The following SEMA3C variants were observed in gnomAD, a reference collection of about 807,000 sequenced individuals.
SEMA3C encodes semaphorin-3C.
SEMA3C carries 47 observed loss-of-function variants against 89.4 expected under a neutral mutation model. The ratio of observed to expected loss-of-function variants is 0.53; its 90% CI spans 0.42 to 0.67. The LOEUF (loss-of-function observed/expected upper bound fraction) is 0.67, where lower values mean the gene tolerates loss of function less well. Ranked by LOEUF, SEMA3C falls within the 30% of genes least tolerant of loss-of-function variation. The pLI, the probability that SEMA3C is intolerant of heterozygous loss-of-function variation, is 0.00. For synonymous variants in SEMA3C, 310 were observed against 320.2 expected (o/e 0.97, Z 0.34); for missense variants, 839 against 929.1 (o/e 0.90, Z 1.26).
chr7:80,913,814 T>C (rs1792208070), intron 2 of SEMA3C, among the ~76,000 whole-genome samples: 1 of 152,192 alleles, frequency 6.6e-6, no homozygotes, highest in Non-Finnish European at 1.5e-5. Context: ...TGTAAATCAC[T>C]GTTTTACAAA....
chr7:80,893,306 C>A (rs531580631), intron 2 of SEMA3C, among the ~76,000 whole-genome samples: 2 of 152,222 alleles, frequency 1.3e-5, no homozygotes, highest in South Asian at 4.1e-4. Context: ...TGTTCAAATC[C>A]ATGACATGGT....
intron 2 of SEMA3C, among the ~76,000 whole-genome samples, chr7:80,862,579 T>A (rs1403993284): frequency 6.6e-6 from 1 of 152,114 alleles, no homozygotes; most frequent in East Asian, 1.9e-4. Flanking sequence ...TTCACATAAT[T>A]AGAAAAAACA....
At chr7:80,878,152 C>T (rs1010152239) in intron 2 of SEMA3C, among the ~76,000 whole-genome samples, 3 of 152,104 alleles carry the variant, frequency 2.0e-5, no homozygotes, top group East Asian at 1.9e-4. Flanking sequence ...CTGAGGTGGG[C>T]GGATCACCTG....
intron 2 of SEMA3C, among the ~76,000 whole-genome samples, chr7:80,882,827 T>C (rs530879374): frequency 2.0e-5 from 3 of 152,036 alleles, no homozygotes; most frequent in African/African-American, 4.8e-5. Flanking sequence ...CTTTTATATA[T>C]AAATATTTTA....
At chr7:80,789,789 A>T (rs1314712725) in intron 11 of SEMA3C, among the ~76,000 whole-genome samples, 2 of 152,184 alleles carry the variant, frequency 1.3e-5, no homozygotes, top group African/African-American at 2.4e-5. Context: ...CTTGTATATG[A>T]GATAACTCTT....
Position 80,750,465 on chromosome 7 carries a change from TATATATATACACACACACACAC to T in SEMA3C, c.1711+782_1711+803del, listed in dbSNP as rs1326326673. On this transcript the variant is annotated intron_variant, in intron 16 of 17. Coordinates refer to ENST00000265361, the MANE Select transcript of SEMA3C (RefSeq NM_006379.5). ...ATATATATATATATATATATATATA[TATATATATACACACACACACAC>T]ACACACACACACACATACACACACA... Among the ~76,000 whole-genome samples, 16 of 63,892 alleles carry T rather than the reference TATATATATACACACACACACAC, an allele frequency of 2.5e-4. No individual in the cohort carries two copies. In the South Asian group the frequency reaches 6.9e-3, roughly 27 times the overall value. 41.9% of individuals were successfully genotyped at this position (63,892 alleles called of 152,430 possible).
intron 2 of SEMA3C, among the ~76,000 whole-genome samples, chr7:80,916,291 T>G (rs1161553367): frequency 6.6e-6 from 1 of 152,174 alleles, no homozygotes; most frequent in Non-Finnish European, 1.5e-5. Flanking sequence ...AATTTTTTAG[T>G]AATTGAACCT....
At chr7:80,760,173 A>G (rs1323831782) in intron 14 of SEMA3C, among the ~76,000 whole-genome samples, 1 of 152,246 alleles carries the variant, frequency 6.6e-6, no homozygotes, top group East Asian at 1.9e-4. Flanking sequence ...GATTTCCAAA[A>G]AGTCAAATAA....
At chr7:80,922,241 A>T, upstream of SEMA3C, 5 of 1,287,354 alleles carry the variant, frequency 3.9e-6, no homozygotes, top group Non-Finnish European at 5.1e-6. Context: ...AGGTTTTTCA[A>T]TAAGTTTCAA....
chr7:80,787,684 A>C (rs990280574), intron 12 of SEMA3C, among the ~76,000 whole-genome samples: 2 of 152,214 alleles, frequency 1.3e-5, no homozygotes, highest in African/African-American at 4.8e-5. Context: ...GAAGATGGAT[A>C]TTTAGTTTCA....
intron 2 of SEMA3C, among the ~76,000 whole-genome samples, chr7:80,879,414 C>A (rs1791281769): frequency 6.6e-6 from 1 of 152,052 alleles, no homozygotes; most frequent in Non-Finnish European, 1.5e-5. Flanking sequence ...TCTTTTCAGT[C>A]AGCAGGGTAA....
At chr7:80,750,471 T>TAC (rs1450069681) in intron 16 of SEMA3C, among the ~76,000 whole-genome samples, 48 of 52,400 alleles carry the variant, frequency 9.2e-4, no homozygotes, top group African/African-American at 2.5e-3. Flanking sequence ...TATATATATA[T>TAC]ATACACACAC....
chr7:80,760,622 A>G (rs912252556), intron 14 of SEMA3C, among the ~76,000 whole-genome samples: 4 of 152,218 alleles, frequency 2.6e-5, no homozygotes, highest in African/African-American at 9.6e-5. Context: ...CAAACCAAAT[A>G]TGGTGAAGAG....
At chr7:80,878,381 AAAAC>A (rs1032493774) in intron 2 of SEMA3C, among the ~76,000 whole-genome samples, 46 of 152,224 alleles carry the variant, frequency 3.0e-4, no homozygotes, top group African/African-American at 1.1e-3. Flanking sequence ...TCCGTCTCAA[AAAAC>A]AAACAAACAA....
intron 15 of SEMA3C, among the ~76,000 whole-genome samples, chr7:80,756,834 C>T (rs1220701953): frequency 6.6e-6 from 1 of 152,112 alleles, no homozygotes; most frequent in Non-Finnish European, 1.5e-5. Context: ...ACCCATTTAA[C>T]ATCACGACCT....
intron 12 of SEMA3C, among the ~76,000 whole-genome samples, chr7:80,770,598 C>A (rs933281376): frequency 2.0e-5 from 3 of 152,236 alleles, no homozygotes; most frequent in Admixed American, 6.5e-5. Context: ...GCCAGAATCA[C>A]TTCCCTTCTT....
chr7:80,919,352 G>C, upstream of SEMA3C: 1 of 985,296 alleles, frequency 1.0e-6, no homozygotes, highest in Non-Finnish European at 1.2e-6. Context: ...TTCGCAGTCC[G>C]CGGCGGAGTG....
intron 2 of SEMA3C, among the ~76,000 whole-genome samples, chr7:80,846,047 T>C (rs1474946610): frequency 1.3e-5 from 2 of 152,124 alleles, no homozygotes; most frequent in Non-Finnish European, 2.9e-5. Context: ...AAATATTTCA[T>C]GCAAATTCAG....
At chr7:80,754,358 C>A (rs1788007189) in intron 15 of SEMA3C, among the ~76,000 whole-genome samples, 1 of 152,070 alleles carries the variant, frequency 6.6e-6, no homozygotes, top group African/African-American at 2.4e-5. Flanking sequence ...TGTTTGTACA[C>A]AAAGAAAATA....
Sources: gnomAD v4.1 joint callset for allele counts (sites outside exome capture counted in the v4.1 genomes callset) on GRCh38, gnomAD v4.1.1 for gene constraint, MANE v1.5 for transcripts, NCBI Gene and HGNC (gene_info 2026-07-23, HGNC 2026-07-21) for gene names.